Variants in SOX6 observed in about 807,000 individuals in gnomAD.
SOX6 encodes the protein transcription factor SOX-6.
In SOX6, 11 loss-of-function variants were observed where a neutral mutation model predicts 97.8. That is an observed-to-expected ratio of 0.11 (90% confidence interval 0.07 to 0.19). The LOEUF is 0.19. SOX6 is among the 10% of genes least tolerant of loss of function. SOX6 has a pLI of 1.00. For missense variants in SOX6, 810 were observed against 1,039.5 expected (o/e 0.78, Z 3.04); for synonymous variants, 360 against 371.4 (o/e 0.97, Z 0.35).
chr11:16,233,221 G>C (rs1332150540), intron 4 of SOX6, among the ~76,000 whole-genome samples: 3 of 152,146 alleles, frequency 2.0e-5, no homozygotes, highest in Non-Finnish European at 2.9e-5. Flanking sequence ...ATGTAACTAA[G>C]TACCCAAATT....
intron 1 of SOX6, among the ~76,000 whole-genome samples, chr11:16,345,555 A>C (rs999390844): frequency 6.6e-6 from 1 of 152,076 alleles, no homozygotes; most frequent in Non-Finnish European, 1.5e-5. Flanking sequence ...AAACACCAGT[A>C]CAAAGTCTGA....
At chr11:16,172,941 T>C (rs1439184482) in intron 6 of SOX6, among the ~76,000 whole-genome samples, 2 of 151,986 alleles carry the variant, frequency 1.3e-5, no homozygotes, top group Non-Finnish European at 2.9e-5. Context: ...TACATAAGAG[T>C]GAGAAGAACA....
chr11:16,054,526 C>G (rs533403340), intron 10 of SOX6, among the ~76,000 whole-genome samples: 2 of 152,244 alleles, frequency 1.3e-5, no homozygotes, highest in Non-Finnish European at 2.9e-5. Flanking sequence ...GACTACTTCT[C>G]TTAGTGATTT....
At chr11:16,221,041 T>G (rs1373843826) in intron 4 of SOX6, among the ~76,000 whole-genome samples, 1 of 152,046 alleles carries the variant, frequency 6.6e-6, no homozygotes, top group Non-Finnish European at 1.5e-5. Context: ...GGTAATTATG[T>G]GCTAATCTAA....
At chr11:16,270,893 C>T (rs1854239639) in intron 3 of SOX6, among the ~76,000 whole-genome samples, 1 of 151,152 alleles carries the variant, frequency 6.6e-6, no homozygotes, top group Admixed American at 6.6e-5. Context: ...TTATTGTTTG[C>T]TGATTACAGA....
intron 1 of SOX6, among the ~76,000 whole-genome samples, chr11:16,413,393 T>C (rs1858861204): frequency 1.3e-5 from 2 of 152,144 alleles, no homozygotes; most frequent in Non-Finnish European, 2.9e-5. Flanking sequence ...AAAATTTATT[T>C]TGATGGATCC....
chr11:16,297,570 C>G (rs917080978), intron 3 of SOX6, among the ~76,000 whole-genome samples: 2 of 152,098 alleles, frequency 1.3e-5, no homozygotes, highest in Non-Finnish European at 2.9e-5. Flanking sequence ...GATCATGTGT[C>G]CTAACAAGCA....
rs1162442985 is a variant in SOX6 at position 16,152,907 on chromosome 11, G to A, written c.777+30979C>T. On this transcript the variant is annotated intron_variant, in intron 6 of 15. Coordinates refer to ENST00000683767, the MANE Select transcript of SOX6 (RefSeq NM_001367873.1). ...GTTTGAAATGGAGTCTTGTTCTGTT[G>A]CCAGGCTTGAGTGCAGTGGCGCTAT... Among the ~76,000 whole-genome samples the A allele has an allele frequency of 2.6e-5, 4 of 151,554 alleles. No homozygotes were observed. The East Asian group carries it at 7.8e-4, about 30-fold the overall frequency.
intron 6 of SOX6, among the ~76,000 whole-genome samples, chr11:16,144,327 G>A (rs1159701576): frequency 6.6e-6 from 1 of 152,198 alleles, no homozygotes; most frequent in Non-Finnish European, 1.5e-5. Flanking sequence ...CAACATACCA[G>A]AATCTCTGGG....
intron 2 of SOX6, among the ~76,000 whole-genome samples, chr11:16,726,720 G>C (rs1848309112): frequency 6.6e-6 from 1 of 152,118 alleles, no homozygotes; most frequent in Admixed American, 6.5e-5. Flanking sequence ...CAAATATGGG[G>C]ACTGATGAGA....
At chr11:16,540,139 A>C (rs1259963326) in intron 4 of SOX6, among the ~76,000 whole-genome samples, 1 of 152,230 alleles carries the variant, frequency 6.6e-6, no homozygotes, top group African/African-American at 2.4e-5. Flanking sequence ...GGTCAGCTTC[A>C]TCCCTGGGAT....
At chr11:16,481,759 CT>C (rs1384210367) in intron 4 of SOX6, among the ~76,000 whole-genome samples, 1 of 152,132 alleles carries the variant, frequency 6.6e-6, no homozygotes, top group Non-Finnish European at 1.5e-5. Context: ...TTCTCAGACT[CT>C]TTGGTCTCAG....
intron 4 of SOX6, among the ~76,000 whole-genome samples, chr11:16,201,497 T>C (rs1851936085): frequency 6.6e-6 from 1 of 150,474 alleles, no homozygotes; most frequent in Admixed American, 6.6e-5. Flanking sequence ...AACAAATATA[T>C]AAATGTATAT....
chr11:16,097,595 C>G lies in SOX6; in HGVS notation c.978+14G>C. 2 of 1,610,220 alleles carry G rather than the reference C, an allele frequency of 1.2e-6. No homozygotes were observed. The highest frequency in any genetic ancestry group is 4.5e-5 in the East Asian group (2 of 44,778). ...ACTGGCTCATATCCCACATTTTTTT[C>G]TTCTGGCACTTACCTGGAGCTGTAA... On this transcript the variant is annotated intron_variant, in intron 8 of 15. Coordinates refer to ENST00000683767, the MANE Select transcript of SOX6 (RefSeq NM_001367873.1).
chr11:16,262,659 T>C (rs1198724631), intron 3 of SOX6, among the ~76,000 whole-genome samples: 1 of 152,052 alleles, frequency 6.6e-6, no homozygotes, highest in Non-Finnish European at 1.5e-5. Flanking sequence ...TAGTGCTTTT[T>C]ACATATGAAA....
intron 4 of SOX6, among the ~76,000 whole-genome samples, chr11:16,541,415 A>T (rs1360606376): frequency 1.3e-5 from 2 of 152,224 alleles, no homozygotes. Context: ...GGCATGGGCA[A>T]GGACTTCATG....
Position 16,369,817 on chromosome 11 carries a change from C to T in SOX6, c.-4-28565G>A, listed in dbSNP as rs187563996. Among the ~76,000 whole-genome samples, 581 of 152,268 alleles carry T rather than the reference C, an allele frequency of 3.8e-3. 4 individuals are homozygous for T. The highest frequency in any genetic ancestry group is 0.013 in the African/African-American group (561 of 41,558). On this transcript the variant is annotated intron_variant, in intron 1 of 15. Transcript: ENST00000396356. ...GCACGATATTTCCCAGACTTCATTGCCAGCTGGCTTCCTGTCAGGTTCTGC... is the reference window on the plus strand; with the variant it reads ...GCACGATATTTCCCAGACTTCATTGTCAGCTGGCTTCCTGTCAGGTTCTGC...
intron 15 of SOX6, among the ~76,000 whole-genome samples, chr11:15,976,442 T>C (rs938097376): frequency 6.6e-6 from 1 of 152,198 alleles, no homozygotes; most frequent in Non-Finnish European, 1.5e-5. Context: ...CATTACATTA[T>C]AGAGTAGACG....
rs536018960 is a variant in SOX6 at position 16,333,498 on chromosome 11, C to T, written c.237+7514G>A. Among the ~76,000 whole-genome samples the T allele has an allele frequency of 1.5e-4, 23 of 152,096 alleles. No individual in the cohort carries two copies. The South Asian group carries it at 3.1e-3, about 21-fold the overall frequency. ...TATATTAATCAGAACCACCTATAGA[C>T]TGAAACATGCTCATAGAGTTCTGCT... On this transcript the variant is annotated intron_variant, in intron 2 of 15. Coordinates refer to ENST00000683767, the MANE Select transcript of SOX6 (RefSeq NM_001367873.1).
Sources: gnomAD v4.1 joint callset for allele counts (sites outside exome capture counted in the v4.1 genomes callset) on GRCh38, gnomAD v4.1.1 for gene constraint, MANE v1.5 for transcripts, NCBI Gene and HGNC (gene_info 2026-07-23, HGNC 2026-07-21) for gene names.